SV2C: variants seen among roughly 807,000 people sequenced by gnomAD.
SV2C encodes the protein solute carrier family 22 member B3.
SV2C carries 49 observed loss-of-function variants against 79.7 expected under a neutral mutation model. That is an observed-to-expected ratio of 0.61 (90% CI 0.49 to 0.78). The LOEUF (loss-of-function observed/expected upper bound fraction) is 0.78, where lower values mean the gene tolerates loss of function less well. Among genes scored for constraint, SV2C ranks in the 30% least tolerant of loss-of-function variants. SV2C has a pLI of 0.00. For missense variants in SV2C, 833 were observed against 912.9 expected (o/e 0.91, Z 1.13); for synonymous variants, 334 against 333.2 (o/e 1.00, Z -0.03).
At chr5:76,067,770 A>C in the SV2C span, among the ~76,000 whole-genome samples, 2 of 152,008 alleles carry the variant, frequency 1.3e-5, no homozygotes, top group African/African-American at 2.4e-5. Flanking sequence ...TTTTAGTAAA[A>C]TGTTGTGATT....
At chr5:75,976,732 T>G in the SV2C span, among the ~76,000 whole-genome samples, 1 of 152,196 alleles carries the variant, frequency 6.6e-6, no homozygotes, top group Non-Finnish European at 1.5e-5. Flanking sequence ...AAAATATCTA[T>G]TAATATAGCT....
the SV2C span, among the ~76,000 whole-genome samples, chr5:76,035,375 T>C: frequency 6.6e-6 from 1 of 152,162 alleles, no homozygotes; most frequent in African/African-American, 2.4e-5. Context: ...CTCCTTTCTC[T>C]TGTGGGCATT....
the SV2C span, among the ~76,000 whole-genome samples, chr5:75,964,374 A>C: frequency 6.6e-6 from 1 of 152,154 alleles, no homozygotes; most frequent in African/African-American, 2.4e-5. Context: ...GTCCTTCTCA[A>C]GTATTTCTTT....
At chr5:76,081,298 C>A (rs1233498157), upstream of SV2C, among the ~76,000 whole-genome samples, 2 of 152,140 alleles carry the variant, frequency 1.3e-5, no homozygotes, top group African/African-American at 4.8e-5. Flanking sequence ...CATTATTCTG[C>A]AACAGTTTAG....
At chr5:76,247,221 G>A (rs1388443060) in intron 4 of SV2C, among the ~76,000 whole-genome samples, 1 of 152,212 alleles carries the variant, frequency 6.6e-6, no homozygotes, top group Non-Finnish European at 1.5e-5. Context: ...CTTAGCAAAT[G>A]CTACAGAGGA....
chr5:76,014,395 G>A, the SV2C span, among the ~76,000 whole-genome samples: 3,359 of 152,154 alleles, frequency 0.022, 112 homozygotes, highest in African/African-American at 0.071. Context: ...CTCCTAAGGG[G>A]CAGTACCACT....
At chr5:76,310,052 A>C (rs560307434) in intron 12 of SV2C, among the ~76,000 whole-genome samples, 2 of 152,194 alleles carry the variant, frequency 1.3e-5, no homozygotes, top group East Asian at 3.9e-4. Flanking sequence ...TTTCATTCAA[A>C]AAAAAAAAAT....
intron 1 of SV2C, among the ~76,000 whole-genome samples, chr5:76,122,177 T>C (rs1748529066): frequency 6.6e-6 from 1 of 150,860 alleles, no homozygotes. Flanking sequence ...TGTTTGTCTG[T>C]TATTGGTGTA....
intron 1 of SV2C, among the ~76,000 whole-genome samples, chr5:76,111,456 C>T (rs960656273): frequency 4.6e-5 from 7 of 152,038 alleles, no homozygotes; most frequent in African/African-American, 7.2e-5. Context: ...ACTTTTCCAG[C>T]GAGGAAATGT....
At chr5:75,893,325 C>T in the SV2C span, among the ~76,000 whole-genome samples, 1 of 151,926 alleles carries the variant, frequency 6.6e-6, no homozygotes, top group South Asian at 2.1e-4. Context: ...TGGATATATG[C>T]AAATGTACCA....
chr5:75,966,193 T>C, the SV2C span, among the ~76,000 whole-genome samples: 1 of 152,218 alleles, frequency 6.6e-6, no homozygotes, highest in African/African-American at 2.4e-5. Flanking sequence ...TTTTATATGA[T>C]CCAATTTTAA....
chr5:76,180,991 C>G (rs1459728710), intron 2 of SV2C, among the ~76,000 whole-genome samples: 1 of 152,178 alleles, frequency 6.6e-6, no homozygotes, highest in Non-Finnish European at 1.5e-5. Flanking sequence ...AGGGAAATCA[C>G]ATTTCGCAAG....
the SV2C span, among the ~76,000 whole-genome samples, chr5:76,033,566 A>G: frequency 1.5e-4 from 23 of 152,186 alleles, no homozygotes; most frequent in South Asian, 4.2e-4. Context: ...GTAGATATTC[A>G]GCGTTATTTC....
rs1580288747 is a variant in SV2C at position 76,128,140 on chromosome 5, G to A, written c.-101-3510G>A. Among the ~76,000 whole-genome samples, 3 of 152,288 alleles carry A rather than the reference G, an allele frequency of 2.0e-5. No homozygotes were observed. The South Asian group carries it at 6.2e-4, about 32-fold the overall frequency. On this transcript the variant is annotated intron_variant, in intron 1 of 12. Coordinates refer to ENST00000502798, the MANE Select transcript of SV2C (RefSeq NM_014979.4). The stretch of plus-strand genomic sequence containing the variant: ...AAGGAAACTGACTTGAGTAAACGAG[G>A]AGCATCATGTACTTAGAGATTGTTA...
the SV2C span, among the ~76,000 whole-genome samples, chr5:75,851,082 C>T: frequency 1.6e-4 from 25 of 152,188 alleles, no homozygotes; most frequent in African/African-American, 5.5e-4. Context: ...AGAATTTAAT[C>T]GTTAAATCCC....
chr5:76,029,399 G>C, the SV2C span, among the ~76,000 whole-genome samples: 1 of 152,056 alleles, frequency 6.6e-6, no homozygotes, highest in East Asian at 1.9e-4. Context: ...TGTTCTTAAT[G>C]ATCAGTAGAG....
At chr5:76,195,526 A>G (rs1744244737) in intron 3 of SV2C, among the ~76,000 whole-genome samples, 3 of 152,294 alleles carry the variant, frequency 2.0e-5, no homozygotes, top group South Asian at 2.1e-4. Flanking sequence ...TTATTGGTCT[A>G]TGTTAACTTG....
Position 76,135,791 on chromosome 5 carries a change from C to T in SV2C, c.580+3461C>T, listed in dbSNP as rs144031589. Among the ~76,000 whole-genome samples the T allele has an allele frequency of 4.0e-3, 613 of 152,260 alleles. 4 individuals are homozygous for T. The highest frequency in any genetic ancestry group is 0.014 in the African/African-American group (567 of 41,554). ...TCAGAGTGGATTCTGTGGAAGTGAG[C>T]CCTCTGACTTAGCTTCTGTTCAGTG... On this transcript the variant is annotated intron_variant, in intron 2 of 12. Coordinates refer to ENST00000502798, the MANE Select transcript of SV2C (RefSeq NM_014979.4).
rs986651446 is a variant in SV2C, at chr5:76,131,658, T to C, written c.-93T>C. 1 of 1,047,072 alleles carries C rather than the reference T, an allele frequency of 9.6e-7. No homozygotes were observed. The highest frequency in any genetic ancestry group is 1.6e-5 in the African/African-American group (1 of 62,946). The allele number at this position is 1,047,072 out of a possible 1,614,324, so 64.9% of individuals were successfully genotyped here. ...TATTTCTTCTTTCGCAGTTCTGTTT[T>C]GAACCCAAAGTGGATGATGCTGTCA... On this transcript the variant is annotated 5_prime_UTR_variant, in exon 2 of 13. Coordinates refer to ENST00000502798, the MANE Select transcript of SV2C (RefSeq NM_014979.4).
Sources: gnomAD v4.1 joint callset for allele counts (sites outside exome capture counted in the v4.1 genomes callset) on GRCh38, gnomAD v4.1.1 for gene constraint, MANE v1.5 for transcripts, NCBI Gene and HGNC (gene_info 2026-07-23, HGNC 2026-07-21) for gene names.